Variants in SCLT1 observed in about 807,000 individuals in gnomAD.
SCLT1 encodes the protein sodium channel-associated protein 1.
A neutral mutation model predicts 112.8 loss-of-function variants in SCLT1; 78 were observed. The observed-to-expected ratio is 0.69, with a 90% CI of 0.58 to 0.83. The LOEUF is 0.83. Among genes scored for constraint, SCLT1 ranks in the 40% least tolerant of loss-of-function variants. SCLT1 has a pLI of 0.00. For missense variants in SCLT1, 747 were observed against 770.4 expected (o/e 0.97, Z 0.36); for synonymous variants, 257 against 254.7 (o/e 1.01, Z -0.09).
chr4:129,082,281 C>T (rs753650039), intron 2 of SCLT1, 25 bp downstream of exon 2: 4 of 1,184,274 alleles, frequency 3.4e-6, no homozygotes, highest in Non-Finnish European at 4.7e-6. Flanking sequence ...AGAATATTCC[C>T]AAGTAGAATT....
At chr4:129,070,398 T>G (rs1002573723) in intron 2 of SCLT1, among the ~76,000 whole-genome samples, 7 of 152,222 alleles carry the variant, frequency 4.6e-5, no homozygotes, top group African/African-American at 9.6e-5. Flanking sequence ...GACTTTTTTT[T>G]TTGTTGGTAA....
intron 11 of SCLT1, among the ~76,000 whole-genome samples, chr4:128,960,648 C>T (rs1038170246): frequency 6.6e-6 from 1 of 152,046 alleles, no homozygotes. Flanking sequence ...AGGCCGGGCG[C>T]GGTGGCTCAC....
At chr4:129,077,332 T>A (rs1324198424) in intron 2 of SCLT1, among the ~76,000 whole-genome samples, 1 of 152,158 alleles carries the variant, frequency 6.6e-6, no homozygotes, top group Non-Finnish European at 1.5e-5. Context: ...CTGAATAAAG[T>A]ATGTTCATTT....
chr4:129,083,360 G>A (rs1473937265), intron 1 of SCLT1, among the ~76,000 whole-genome samples: 3 of 151,014 alleles, frequency 2.0e-5, no homozygotes, highest in Admixed American at 2.0e-4. Context: ...ATTATTCACT[G>A]GTAAAAGAAA....
chr4:129,012,858 A>G (rs915116226), intron 5 of SCLT1, among the ~76,000 whole-genome samples: 3 of 142,930 alleles, frequency 2.1e-5, no homozygotes, highest in African/African-American at 7.8e-5. Context: ...TCTGTTTTCC[A>G]TTTGCTTAGT....
chr4:129,036,959 G>A (rs1053758952), intron 5 of SCLT1: 5 of 151,868 alleles, frequency 3.3e-5, no homozygotes, highest in African/African-American at 1.2e-4. Context: ...AACAAAAAAT[G>A]ATGTATCAGA....
intron 9 of SCLT1, among the ~76,000 whole-genome samples, chr4:128,975,685 GTAATT>G (rs1460221992): frequency 1.3e-5 from 2 of 152,006 alleles, no homozygotes; most frequent in Non-Finnish European, 2.9e-5. Flanking sequence ...CACACGTTAG[GTAATT>G]TAATAAGGAC....
Position 128,955,700 on chromosome 4 carries a change from AACTT to A in SCLT1, c.1146+1322_1146+1325del, listed in dbSNP as rs1401891967. 6.6e-5 allele frequency among the ~76,000 whole-genome samples: 10 copies of A among 152,336 alleles called. No individual in the cohort carries two copies. In the East Asian group the frequency reaches 1.9e-3, roughly 29 times the overall value. ...AAAATAGTGCTATCTCTGGGTATTA[AACTT>A]GTAATTTTAATTTTCTTTTATACAT... On this transcript the variant is annotated intron_variant, in intron 13 of 20. Transcript: ENST00000281142.
chr4:128,917,753 G>C (rs1579371507), intron 18 of SCLT1, among the ~76,000 whole-genome samples: 2 of 152,212 alleles, frequency 1.3e-5, no homozygotes, highest in East Asian at 1.9e-4. Flanking sequence ...AATGAGAAAA[G>C]CTAACAGAAT....
intron 2 of SCLT1, among the ~76,000 whole-genome samples, chr4:129,076,631 G>A (rs762089437): frequency 2.0e-5 from 3 of 151,484 alleles, no homozygotes; most frequent in Non-Finnish European, 4.4e-5. Flanking sequence ...CCGGTGTGGC[G>A]TAGATAACAA....
chr4:129,093,389 C>A lies in SCLT1; in HGVS notation c.-286G>T. The A allele has an allele frequency of 2.0e-6, 1 of 502,174 alleles. No individual in the cohort carries two copies. The highest frequency in any genetic ancestry group is 3.6e-6 in the Non-Finnish European group (1 of 278,204). 31.1% of individuals were successfully genotyped at this position (502,174 alleles called of 1,614,324 possible). On this transcript the variant is annotated 5_prime_UTR_variant, in exon 1 of 21. Coordinates refer to ENST00000281142, the MANE Select transcript of SCLT1 (RefSeq NM_144643.4). ...AAGAGGACGCGGTCGATACAGGCGT[C>A]CCGCGGGTCACTCTGGGTCTCGTCG...
intron 12 of SCLT1, among the ~76,000 whole-genome samples, chr4:128,958,750 A>AT (rs1294741278): frequency 6.6e-6 from 1 of 152,178 alleles, no homozygotes; most frequent in African/African-American, 2.4e-5. Flanking sequence ...CAGATCACAG[A>AT]TGAAAATATT....
At chr4:128,925,353 T>C (rs946649684) in intron 18 of SCLT1, among the ~76,000 whole-genome samples, 1 of 152,150 alleles carries the variant, frequency 6.6e-6, no homozygotes, top group Non-Finnish European at 1.5e-5. Flanking sequence ...TAGTTCTTTT[T>C]TTTTTTGGAG....
rs1751029813 is a variant in SCLT1, at chr4:129,071,759, T to C, written c.102+10547A>G. Reference sequence around the variant, plus strand: ...GTGAGTTGTTATCCATTCTGCAGTTTTGTATCTTTTAAGTGGAGCATTTAG... The same window carrying C: ...GTGAGTTGTTATCCATTCTGCAGTTCTGTATCTTTTAAGTGGAGCATTTAG... On this transcript the variant is annotated intron_variant, in intron 2 of 20. Transcript: ENST00000281142. 2.0e-5 allele frequency among the ~76,000 whole-genome samples: 3 copies of C among 152,172 alleles called. No homozygotes were observed. In the South Asian group the frequency reaches 6.2e-4, roughly 31 times the overall value.
At chr4:129,062,660 G>A (rs924193521) in intron 2 of SCLT1, among the ~76,000 whole-genome samples, 1 of 151,966 alleles carries the variant, frequency 6.6e-6, no homozygotes, top group Non-Finnish European at 1.5e-5. Flanking sequence ...GTCTTGTTGG[G>A]TAAAGCATTC....
At chr4:129,046,123 A>C (rs1748153904) in intron 2 of SCLT1, among the ~76,000 whole-genome samples, 1 of 152,128 alleles carries the variant, frequency 6.6e-6, no homozygotes, top group Admixed American at 6.6e-5. Context: ...CACAAGGTGA[A>C]TATACTCATG....
At chr4:129,084,595 G>C (rs978302838) in intron 1 of SCLT1, among the ~76,000 whole-genome samples, 1 of 152,084 alleles carries the variant, frequency 6.6e-6, no homozygotes, top group Non-Finnish European at 1.5e-5. Context: ...CACACCTGGA[G>C]GCATCATGTT....
chr4:128,922,733 C>T (rs1055255911), intron 18 of SCLT1, among the ~76,000 whole-genome samples: 1 of 151,808 alleles, frequency 6.6e-6, no homozygotes, highest in African/African-American at 2.4e-5. Flanking sequence ...GTATACCAAA[C>T]CCTTGTGACA....
chr4:128,975,243 G>C (rs1252592087), intron 9 of SCLT1, among the ~76,000 whole-genome samples: 1 of 151,766 alleles, frequency 6.6e-6, no homozygotes, highest in African/African-American at 2.4e-5. Flanking sequence ...GTTTCACCGT[G>C]TTAGCCAGGA....
Sources: gnomAD v4.1 joint callset for allele counts (sites outside exome capture counted in the v4.1 genomes callset) on GRCh38, gnomAD v4.1.1 for gene constraint, MANE v1.5 for transcripts, NCBI Gene and HGNC (gene_info 2026-07-23, HGNC 2026-07-21) for gene names.